The following UBR3 variants were observed in gnomAD, a reference collection of about 807,000 sequenced individuals.
UBR3 encodes the protein ubiquitin protein ligase E3 component n-recognin 3, also known as E3 ubiquitin-protein ligase UBR3.
A neutral mutation model predicts 243.2 loss-of-function variants in UBR3; 85 were observed. The observed-to-expected ratio is 0.35, with a 90% confidence interval of 0.29 to 0.42. The LOEUF is 0.42. UBR3 is among the 10% of genes least tolerant of loss of function. UBR3 has a pLI of 1.00. For missense variants in UBR3, 1,686 were observed against 2,300.8 expected, an observed-to-expected ratio of 0.73 and a Z score of 5.47; for synonymous variants, 748 against 799.8, an observed-to-expected ratio of 0.94 and a Z score of 1.09.
chr2:169,980,115 G>A (rs1201507758), intron 24 of UBR3, among the ~76,000 whole-genome samples: 2 of 152,176 alleles, frequency 1.3e-5, no homozygotes, highest in Non-Finnish European at 2.9e-5. Flanking sequence ...ATGGCATCAT[G>A]AGTTAACAAT....
chr2:169,840,865 C>G (rs1210409499), intron 1 of UBR3, among the ~76,000 whole-genome samples: 2 of 152,156 alleles, frequency 1.3e-5, no homozygotes, highest in Non-Finnish European at 2.9e-5. Flanking sequence ...CCCACTTGAA[C>G]TACAGGTGGG....
In UBR3 at chr2:169,997,007, A is replaced by AT. The variant is rs879531907; in HGVS notation, c.3918+2562dup. ...AGCCACCATGCCCGGCCTGCTTTGGATTTTTTTTTTTACAGGATACATATA... is the reference window on the plus strand; with the variant it reads ...AGCCACCATGCCCGGCCTGCTTTGGATTTTTTTTTTTTACAGGATACATATA... On this transcript the variant is annotated intron_variant, in intron 26 of 38. Coordinates refer to ENST00000272793, the MANE Select transcript of UBR3 (RefSeq NM_172070.4). Among the ~76,000 whole-genome samples, 357 of 147,020 alleles carry AT rather than the reference A, an allele frequency of 2.4e-3. 4 individuals are homozygous for AT. Among genetic ancestry groups the AT allele is most frequent in the African/African-American group, 7.5e-3 (304 of 40,348 alleles).
At chr2:170,055,428 C>T in intron 32 of UBR3, 32 bp from the exon 33 acceptor site, 1 of 1,603,236 alleles carries the variant, frequency 6.2e-7, no homozygotes, top group South Asian at 1.1e-5. Flanking sequence ...TATCTAGATT[C>T]CAAAGAAATA....
At chr2:169,921,270 A>G (rs987449259) in intron 11 of UBR3, among the ~76,000 whole-genome samples, 1 of 152,178 alleles carries the variant, frequency 6.6e-6, no homozygotes, top group Non-Finnish European at 1.5e-5. Context: ...TGAATGTAAG[A>G]TTTGGAGTTC....
At chr2:170,019,498 A>G (rs1416580402) in intron 30 of UBR3, among the ~76,000 whole-genome samples, 1 of 152,060 alleles carries the variant, frequency 6.6e-6, no homozygotes, top group Non-Finnish European at 1.5e-5. Flanking sequence ...AGCCTGGGCA[A>G]CATAGGGAGA....
At chr2:169,974,600 C>T (rs2088336196) in intron 24 of UBR3, among the ~76,000 whole-genome samples, 3 of 152,020 alleles carry the variant, frequency 2.0e-5, no homozygotes, top group Admixed American at 2.0e-4. Context: ...TATCTTTTCA[C>T]AAAACCAGCC....
At chr2:169,849,750 C>T (rs992669102) in intron 1 of UBR3, among the ~76,000 whole-genome samples, 11 of 152,160 alleles carry the variant, frequency 7.2e-5, no homozygotes, top group African/African-American at 1.4e-4. Flanking sequence ...AACAAAGTCT[C>T]GTATAAAGTA....
At chr2:169,872,496 TGACTATAAAATACG>T (rs1195121746) in intron 2 of UBR3, 121 bp downstream of exon 2, 1 of 702,086 alleles carries the variant, frequency 1.4e-6, no homozygotes, top group African/African-American at 1.9e-5. Flanking sequence ...TAAAAAGAGA[TGACTATAAAATACG>T]GATTGAATAG....
chr2:169,923,865 TAC>T, intron 11 of UBR3, 62 bp from the exon 12 acceptor site: 1 of 1,366,212 alleles, frequency 7.3e-7, no homozygotes, highest in Non-Finnish European at 9.9e-7. Context: ...TTAAACATTT[TAC>T]AACCATCTTA....
At chr2:170,023,530 C>T (rs1466614595) in intron 30 of UBR3, among the ~76,000 whole-genome samples, 2 of 152,080 alleles carry the variant, frequency 1.3e-5, no homozygotes, top group Non-Finnish European at 2.9e-5. Flanking sequence ...CTGCCTCAGC[C>T]TCCAAAGTAG....
intron 1 of UBR3, among the ~76,000 whole-genome samples, chr2:169,868,446 T>A (rs1374389333): frequency 1.3e-5 from 2 of 152,190 alleles, no homozygotes; most frequent in Non-Finnish European, 2.9e-5. Context: ...CGGGTTTAAG[T>A]GATTCTTGTG....
intron 19 of UBR3, among the ~76,000 whole-genome samples, chr2:169,934,616 G>A (rs1402758836): frequency 6.6e-6 from 1 of 152,148 alleles, no homozygotes; most frequent in African/African-American, 2.4e-5. Flanking sequence ...TACTGGGAGG[G>A]ATCTTTTCTT....
intron 1 of UBR3, among the ~76,000 whole-genome samples, chr2:169,830,902 T>G (rs1432749724): frequency 6.6e-6 from 1 of 151,552 alleles, no homozygotes; most frequent in African/African-American, 2.4e-5. Flanking sequence ...CAGGTTGTCG[T>G]GGATGAGATG....
At chr2:169,856,589 G>A (rs1314709591) in intron 1 of UBR3, among the ~76,000 whole-genome samples, 2 of 152,196 alleles carry the variant, frequency 1.3e-5, no homozygotes, top group Non-Finnish European at 2.9e-5. Flanking sequence ...CCGGCACCTC[G>A]GGAGGCCGAG....
At chr2:169,923,870 C>G (rs1388935503) in intron 11 of UBR3, 59 bp from the exon 12 acceptor site, 1 of 1,383,606 alleles carries the variant, frequency 7.2e-7, no homozygotes, top group Non-Finnish European at 9.8e-7. Flanking sequence ...CATTTTACAA[C>G]CATCTTAAAA....
At chr2:170,068,839 C>T (rs968935526) in intron 35 of UBR3, among the ~76,000 whole-genome samples, 77 of 152,186 alleles carry the variant, frequency 5.1e-4, no homozygotes, top group Middle Eastern at 3.4e-3. Flanking sequence ...TAACATTTGC[C>T]AACAAGTTTG....
At chr2:170,013,797 C>G (rs573566032) in intron 29 of UBR3, 1 of 390,270 alleles carries the variant, frequency 2.6e-6, no homozygotes, top group East Asian at 8.2e-5. Context: ...TCTAGGAAAT[C>G]TTAGTTTTTA....
At chr2:169,857,575 TCTGA>T (rs1366011672) in intron 1 of UBR3, among the ~76,000 whole-genome samples, 8 of 145,086 alleles carry the variant, frequency 5.5e-5, no homozygotes, top group Non-Finnish European at 1.2e-4. Flanking sequence ...TGCCACCACG[TCTGA>T]CTAATGTTTT....
At chr2:170,047,146 C>T (rs1468354199) in intron 32 of UBR3, among the ~76,000 whole-genome samples, 2 of 151,674 alleles carry the variant, frequency 1.3e-5, no homozygotes, top group African/African-American at 4.9e-5. Context: ...CAGGTGCACA[C>T]CACCACATTT....
Sources: gnomAD v4.1 joint callset for allele counts (sites outside exome capture counted in the v4.1 genomes callset) on GRCh38, gnomAD v4.1.1 for gene constraint, MANE v1.5 for transcripts, NCBI Gene and HGNC (gene_info 2026-07-23, HGNC 2026-07-21) for gene names.